CCDC93: variants seen among roughly 807,000 people sequenced by gnomAD.
The protein encoded by CCDC93 is CCC complex scaffolding subunit CCDC93.
Under a neutral mutation model 108.2 loss-of-function variants are expected in CCDC93, and 61 were observed. The observed-to-expected ratio is 0.56, with a 90% CI of 0.46 to 0.70. The LOEUF (loss-of-function observed/expected upper bound fraction) is 0.70. Among genes scored for constraint, CCDC93 ranks in the 30% least tolerant of loss-of-function variants. The probability of loss-of-function intolerance (pLI) is 0.00; values close to 1 mark genes in which losing one functional copy is unlikely to be tolerated. For synonymous variants in CCDC93, 276 were observed against 260.4 expected, an observed-to-expected ratio of 1.06 and a Z score of -0.58; for missense variants, 685 against 764.2, an observed-to-expected ratio of 0.90 and a Z score of 1.22.
At chr2:117,952,818 A>C (rs1487189062) in intron 12 of CCDC93, among the ~76,000 whole-genome samples, 1 of 152,210 alleles carries the variant, frequency 6.6e-6, no homozygotes, top group Non-Finnish European at 1.5e-5. Flanking sequence ...GTGGGGCTAC[A>C]ATCAATGCAG....
At chr2:117,965,040 C>T (rs1679515123) in intron 11 of CCDC93, among the ~76,000 whole-genome samples, 1 of 152,104 alleles carries the variant, frequency 6.6e-6, no homozygotes, top group Non-Finnish European at 1.5e-5. Context: ...TCTAAAACTT[C>T]AGAGGTTAGG....
intron 18 of CCDC93, among the ~76,000 whole-genome samples, chr2:117,942,153 C>A (rs969700286): frequency 6.6e-6 from 1 of 152,214 alleles, no homozygotes. Context: ...CTCCCTTAGG[C>A]CAAGGCTACG....
Position 117,952,454 on chromosome 2 carries a change from A to G in CCDC93, c.1006-19T>C, listed in dbSNP as rs1372370855. On this transcript the variant is annotated intron_variant, in intron 12 of 23. Transcript: ENST00000376300. ...CTCGCAGCTGTAAATGAAAGATAAA[A>G]GACATATGCTCTCATTTGATCCTTA... The G allele has an allele frequency of 1.3e-6, 2 of 1,564,458 alleles. No homozygotes were observed. Among genetic ancestry groups the G allele is most frequent in the Non-Finnish European group, 1.8e-6 (2 of 1,134,792 alleles).
At chr2:117,950,942 A>G in intron 13 of CCDC93, 1 of 985,460 alleles carries the variant, frequency 1.0e-6, no homozygotes, top group Non-Finnish European at 1.2e-6. Context: ...TGATATGCCC[A>G]GAGCAATGTT....
intron 20 of CCDC93, among the ~76,000 whole-genome samples, chr2:117,937,757 A>G (rs75808015): frequency 0.034 from 5,112 of 152,362 alleles, 115 homozygotes; most frequent in Middle Eastern, 0.071. Context: ...GATGTGGGAC[A>G]GAGCTATTCC....
At chr2:117,999,138 A>G (rs1680756637) in intron 4 of CCDC93, 1 of 152,312 alleles carries the variant, frequency 6.6e-6, no homozygotes, top group Admixed American at 6.5e-5. Flanking sequence ...TAACAGACGG[A>G]AAGTTATTTA....
Position 117,956,993 on chromosome 2 carries a change from C to CG in CCDC93, c.1005+1371_1005+1372insC, listed in dbSNP as rs1573487375. Among the ~76,000 whole-genome samples the CG allele has an allele frequency of 4.6e-5, 7 of 151,754 alleles. No homozygotes were observed. The East Asian group carries it at 1.4e-3, about 30-fold the overall frequency. On this transcript the variant is annotated intron_variant, in intron 12 of 23. Transcript: ENST00000376300. ...GCAACCTCCGCCTCCTGGTTTCAAGCAATTCTCCTGCCTCAGCCTCCTGAG... is the reference window on the plus strand; with the variant it reads ...GCAACCTCCGCCTCCTGGTTTCAAGCGAATTCTCCTGCCTCAGCCTCCTGAG...
At chr2:117,936,761 C>A in intron 20 of CCDC93, 22 bp from the exon 21 acceptor site, 2 of 1,607,884 alleles carry the variant, frequency 1.2e-6, no homozygotes, top group African/African-American at 1.3e-5. Context: ...AAAAAACAAA[C>A]GAAATTATAA....
intron 3 of CCDC93, among the ~76,000 whole-genome samples, chr2:118,005,685 G>A (rs991551544): frequency 2.0e-5 from 3 of 150,370 alleles, no homozygotes; most frequent in Non-Finnish European, 1.5e-5. Context: ...TAAGGAAGTC[G>A]AGGCTGCAGT....
chr2:117,968,620 T>C (rs1342766144), intron 11 of CCDC93, among the ~76,000 whole-genome samples: 1 of 152,226 alleles, frequency 6.6e-6, no homozygotes, highest in Non-Finnish European at 1.5e-5. Flanking sequence ...AAGAAACTTG[T>C]GAACTTTACC....
intron 6 of CCDC93, among the ~76,000 whole-genome samples, chr2:117,991,333 T>C (rs1265415415): frequency 6.6e-6 from 1 of 152,066 alleles, no homozygotes; most frequent in East Asian, 1.9e-4. Flanking sequence ...CTGTAGGCAT[T>C]TGAGTCTCTG....
In CCDC93 at chr2:118,010,106, T is replaced by TG. The variant is rs1305673119; in HGVS notation, c.43-1449_43-1448insC. On this transcript the variant is annotated intron_variant, in intron 1 of 23. Transcript: ENST00000376300. Reference sequence around the variant, plus strand: ...ACAGGCACATGCCACCACGCCCGTTTTTTTGTTTGTTTGTTTGTTTTTGTA... The same window carrying TG: ...ACAGGCACATGCCACCACGCCCGTTTGTTTTGTTTGTTTGTTTGTTTTTGTA... Among the ~76,000 whole-genome samples, 22 of 98,854 alleles carry TG rather than the reference T, an allele frequency of 2.2e-4. No homozygotes were observed. The East Asian group carries it at 3.2e-3, about 15-fold the overall frequency. 64.9% of individuals were successfully genotyped at this position (98,854 alleles called of 152,430 possible).
intron 23 of CCDC93, among the ~76,000 whole-genome samples, chr2:117,928,760 G>GTACA (rs1678215507): frequency 2.0e-5 from 3 of 152,168 alleles, no homozygotes; most frequent in Admixed American, 2.0e-4. Context: ...CCATTACTGG[G>GTACA]TACATACCCA....
intron 23 of CCDC93, among the ~76,000 whole-genome samples, chr2:117,922,685 C>A (rs1029450392): frequency 2.0e-5 from 3 of 152,102 alleles, no homozygotes; most frequent in African/African-American, 7.2e-5. Context: ...AGTGCTTGGG[C>A]CCAGGATGCA....
In CCDC93 at chr2:118,008,781, T is replaced by C. The variant is rs541777966; in HGVS notation, c.43-123A>G. The C allele has an allele frequency of 8.5e-4, 548 of 641,370 alleles. 9 individuals are homozygous for C. The South Asian group carries it at 9.8e-3, about 11-fold the overall frequency. 39.7% of individuals were successfully genotyped at this position (641,370 alleles called of 1,614,324 possible). A position where few individuals can be genotyped will look rare whatever the true frequency, so the allele number is the denominator to read the frequency against. ...GATGACATTGGCTACATCACCACAA[T>C]AGATTCTCTGAAAATTCAGCAAGTG... On this transcript the variant is annotated intron_variant, in intron 1 of 23. Coordinates refer to ENST00000376300, the MANE Select transcript of CCDC93 (RefSeq NM_019044.5).
intron 7 of CCDC93, chr2:117,985,507 T>A: frequency 1.5e-6 from 1 of 682,870 alleles, no homozygotes; most frequent in Non-Finnish European, 1.8e-6. Flanking sequence ...AAGTAAAAAC[T>A]AAGGATATAA....
rs1173911301 is a variant in CCDC93, at chr2:117,983,372, T to C, written c.620+2597A>G. Among the ~76,000 whole-genome samples the C allele has an allele frequency of 2.0e-5, 3 of 152,276 alleles. No homozygotes were observed. The East Asian group carries it at 5.8e-4, about 29-fold the overall frequency. ...TTTTCCCCCCACACAATAAATTATGTATGCCATTTTCTCCTGTTAATCTGC... is the reference window on the plus strand; with the variant it reads ...TTTTCCCCCCACACAATAAATTATGCATGCCATTTTCTCCTGTTAATCTGC... On this transcript the variant is annotated intron_variant, in intron 7 of 23. Coordinates refer to ENST00000376300, the MANE Select transcript of CCDC93 (RefSeq NM_019044.5).
chr2:117,996,168 A>T, intron 5 of CCDC93, 96 bp downstream of exon 5: 1 of 722,852 alleles, frequency 1.4e-6, no homozygotes, highest in Non-Finnish European at 2.4e-6. Context: ...CTGAGAATGT[A>T]GGGGAGCCTG....
At position 117,986,056 on chromosome 2, in the gene CCDC93, G is replaced by T. The variant is rs753884678; in HGVS notation, c.533C>A (p.Pro178His). The T allele has an allele frequency of 1.9e-6, 3 of 1,610,964 alleles. No homozygotes were observed. Among genetic ancestry groups the T allele is most frequent in the South Asian group, 2.2e-5 (2 of 90,984 alleles). ...TVVDLSEVYK[P>H]RRKYKRHQGA... ...CTGGTGGCGTTTGTATTTCCGACGG[G>T]GCTTGTACACTTCCTAAGTGGATGA... is the stretch of plus-strand genomic sequence containing the variant. Residue 178 changes from proline to histidine, a missense_variant, in exon 7 of 24, where the codon CCC (proline) becomes CAC (histidine). Coordinates refer to ENST00000376300, the MANE Select transcript of CCDC93 (RefSeq NM_019044.5).
Sources: allele counts gnomAD v4.1 joint callset (sites outside exome capture counted in the v4.1 genomes callset), GRCh38; gene constraint gnomAD v4.1.1; transcripts MANE v1.5; gene names NCBI Gene and HGNC (gene_info 2026-07-23, HGNC 2026-07-21).